The following GRID1 variants were observed in gnomAD, a reference collection of about 807,000 sequenced individuals.
The protein encoded by GRID1 is glutamate ionotropic receptor delta type subunit 1.
In GRID1, 28 loss-of-function variants were observed where a neutral mutation model predicts 98.0. The ratio of observed to expected loss-of-function variants is 0.29; its 90% CI spans 0.21 to 0.39. GRID1 has a LOEUF of 0.39. Ranked by LOEUF, GRID1 falls within the 10% of genes least tolerant of loss-of-function variation. The pLI is 1.00. For missense variants in GRID1, 1,111 were observed against 1,340.5 expected (o/e 0.83, Z 2.67); for synonymous variants, 553 against 538.5 (o/e 1.03, Z -0.37).
intron 8 of GRID1, among the ~76,000 whole-genome samples, chr10:85,803,082 G>A (rs1842592153): frequency 6.6e-6 from 1 of 152,106 alleles, no homozygotes; most frequent in South Asian, 2.1e-4. Flanking sequence ...GCTGGGAAGG[G>A]TAGTTGGAGG....
At chr10:85,688,077 T>G (rs1841289528) in intron 12 of GRID1, among the ~76,000 whole-genome samples, 1 of 152,158 alleles carries the variant, frequency 6.6e-6, no homozygotes, top group Admixed American at 6.6e-5. Flanking sequence ...AATGGAAAAT[T>G]CAAGTTTTCC....
chr10:85,621,137 G>C (rs1004485733), intron 13 of GRID1, among the ~76,000 whole-genome samples: 1 of 152,150 alleles, frequency 6.6e-6, no homozygotes, highest in African/African-American at 2.4e-5. Context: ...CTGCCACCTG[G>C]CCATCTTAAA....
At chr10:86,058,738 T>A (rs1017936487) in intron 4 of GRID1, among the ~76,000 whole-genome samples, 3 of 152,222 alleles carry the variant, frequency 2.0e-5, no homozygotes, top group African/African-American at 7.2e-5. Context: ...CACCATGAAC[T>A]CAGCCAAACA....
chr10:85,821,216 T>C (rs1422670607), intron 8 of GRID1, among the ~76,000 whole-genome samples: 1 of 151,492 alleles, frequency 6.6e-6, no homozygotes, highest in East Asian at 1.9e-4. Context: ...AAATAAACCA[T>C]TGTAACAGAA....
chr10:85,765,321 C>T (rs534511062), intron 8 of GRID1, among the ~76,000 whole-genome samples: 1 of 152,272 alleles, frequency 6.6e-6, no homozygotes, highest in East Asian at 1.9e-4. Context: ...GCCTCAAGAC[C>T]CTCCTGTTGC....
chr10:86,252,401 C>T (rs1275845701), intron 2 of GRID1, among the ~76,000 whole-genome samples: 1 of 152,252 alleles, frequency 6.6e-6, no homozygotes, highest in African/African-American at 2.4e-5. Flanking sequence ...GCTTCCTCCA[C>T]TGCAGCAAGC....
intron 4 of GRID1, among the ~76,000 whole-genome samples, chr10:86,047,154 A>G (rs1213721393): frequency 6.6e-6 from 1 of 152,222 alleles, no homozygotes; most frequent in African/African-American, 2.4e-5. Flanking sequence ...GACTGAAAAT[A>G]CCAAACTTGA....
intron 8 of GRID1, among the ~76,000 whole-genome samples, chr10:85,806,148 G>A (rs1017979488): frequency 4.6e-5 from 7 of 151,860 alleles, no homozygotes; most frequent in Admixed American, 4.6e-4. Flanking sequence ...TGTTTTAAAT[G>A]GGCAAAAGAT....
chr10:85,602,007 C>T lies in GRID1; in HGVS notation c.*266G>A. ...TTCAGAATGATCACAAGTAATTTGC[C>T]TTTTTATTCATATAGAACAAAATTT... On this transcript the variant is annotated 3_prime_UTR_variant, in exon 16 of 16. Transcript: ENST00000327946. 2.5e-6 allele frequency: 1 copy of T among 397,828 alleles called. No homozygotes were observed. The highest frequency in any genetic ancestry group is 4.5e-6 in the Non-Finnish European group (1 of 223,380). The allele number at this position is 397,828 out of a possible 1,614,324, so 24.6% of individuals were successfully genotyped here.
At chr10:85,890,528 A>T (rs1261028739) in intron 5 of GRID1, among the ~76,000 whole-genome samples, 3 of 152,246 alleles carry the variant, frequency 2.0e-5, no homozygotes, top group Non-Finnish European at 4.4e-5. Context: ...TTCACTGTAT[A>T]TACCCACAAT....
chr10:86,070,564 G>A (rs1843789250), intron 4 of GRID1, among the ~76,000 whole-genome samples: 1 of 152,180 alleles, frequency 6.6e-6, no homozygotes, highest in South Asian at 2.1e-4. Context: ...CCTGCAGGGT[G>A]CCGAAGCTCC....
chr10:85,963,427 C>T (rs1429908392), intron 4 of GRID1, among the ~76,000 whole-genome samples: 1 of 152,170 alleles, frequency 6.6e-6, no homozygotes, highest in Non-Finnish European at 1.5e-5. Context: ...CCAATGCACT[C>T]GCCACACAGT....
chr10:86,203,000 T>C (rs917714897), intron 3 of GRID1, among the ~76,000 whole-genome samples: 19 of 152,362 alleles, frequency 1.2e-4, no homozygotes, highest in Admixed American at 3.9e-4. Context: ...GATGATGCCT[T>C]GGCTAAATGC....
chr10:86,310,848 G>A (rs1430821217), intron 2 of GRID1, among the ~76,000 whole-genome samples: 1 of 152,172 alleles, frequency 6.6e-6, no homozygotes, highest in Admixed American at 6.5e-5. Context: ...GCTGTCTTTG[G>A]TAACACCATG....
chr10:85,666,330 G>T (rs1841018856), intron 12 of GRID1, among the ~76,000 whole-genome samples: 1 of 152,160 alleles, frequency 6.6e-6, no homozygotes, highest in Non-Finnish European at 1.5e-5. Context: ...AGGGTGAAAT[G>T]AACAGATGTT....
At position 85,859,346 on chromosome 10, in the gene GRID1, GGGATGGAT is replaced by G. The variant is rs548270166; in HGVS notation, c.952-3164_952-3157del. On this transcript the variant is annotated intron_variant, in intron 6 of 15. Transcript: ENST00000327946. The stretch of plus-strand genomic sequence containing the variant: ...ATGGATGGATGAAGTAATGGATGGA[GGGATGGAT>G]GGATGGATGGATGGGTGGATGGAGT... Among the ~76,000 whole-genome samples, 682 of 151,822 alleles carry G rather than the reference GGGATGGAT, an allele frequency of 4.5e-3. 5 individuals are homozygous for G. The highest frequency in any genetic ancestry group is 5.4e-3 in the Non-Finnish European group (370 of 67,918).
rs773406347 is a variant in GRID1, at chr10:85,724,312, CCCCTAGAG to C, written c.1858+32_1858+39del. 4 of 1,514,734 alleles carry C rather than the reference CCCCTAGAG, an allele frequency of 2.6e-6. No homozygotes were observed. The Admixed American group carries it at 7.0e-5, about 26-fold the overall frequency. The allele number at this position is 1,514,734 out of a possible 1,614,324, so 93.8% of individuals were successfully genotyped here. A position where few individuals can be genotyped will look rare whatever the true frequency, so the allele number is the denominator to read the frequency against. On this transcript the variant is annotated intron_variant, in intron 11 of 15. Coordinates refer to ENST00000327946, the MANE Select transcript of GRID1 (RefSeq NM_017551.3). Reference sequence around the variant, plus strand: ...TTGCCAATGGATAAGTTCTTCCAGGCCCCTAGAGCTATTCAATGATCAGGAAACCAGAA... The same window carrying C: ...TTGCCAATGGATAAGTTCTTCCAGGCCTATTCAATGATCAGGAAACCAGAA...
intron 1 of GRID1, 57 bp from the exon 2 acceptor site, chr10:86,364,153 C>T: frequency 6.6e-7 from 1 of 1,520,194 alleles, no homozygotes; most frequent in Non-Finnish European, 9.0e-7. Context: ...CCCCGCTTCC[C>T]TTGGCCCGAG....
intron 4 of GRID1, among the ~76,000 whole-genome samples, chr10:86,064,090 T>C (rs1589358031): frequency 6.6e-6 from 1 of 152,236 alleles, no homozygotes; most frequent in Non-Finnish European, 1.5e-5. Context: ...TTTATGGCTG[T>C]TTATATATTT....
Sources: gnomAD v4.1 joint callset for allele counts (sites outside exome capture counted in the v4.1 genomes callset) on GRCh38, gnomAD v4.1.1 for gene constraint, MANE v1.5 for transcripts, NCBI Gene and HGNC (gene_info 2026-07-23, HGNC 2026-07-21) for gene names.